The following SERAC1 variants were observed in gnomAD, a reference collection of about 807,000 sequenced individuals.
SERAC1 encodes serine active site containing 1.
SERAC1 carries 36 observed loss-of-function variants against 85.7 expected under a neutral mutation model. The ratio of observed to expected loss-of-function variants is 0.42; its 90% CI spans 0.32 to 0.55. The LOEUF (loss-of-function observed/expected upper bound fraction) is 0.55, where lower values mean the gene tolerates loss of function less well. Ranked by LOEUF, SERAC1 falls within the 20% of genes least tolerant of loss-of-function variation. The pLI, the probability that SERAC1 is intolerant of heterozygous loss-of-function variation, is 0.11. For missense variants in SERAC1, 629 were observed against 796.2 expected (o/e 0.79, Z 2.53); for synonymous variants, 242 against 265.3 (o/e 0.91, Z 0.85).
In SERAC1 at chr6:158,114,361, G is replaced by A. The variant is rs113630935; in HGVS notation, c.1684+428C>T. ...GCTCGAGCCAGGGAATCCAAATTCC[G>A]ATTAACAGGTGTTCCAGAGAGAAAA... is the stretch of plus-strand genomic sequence containing the variant. On this transcript the variant is annotated intron_variant, in intron 15 of 16. Coordinates refer to ENST00000647468, the MANE Select transcript of SERAC1 (RefSeq NM_032861.4). The A allele has an allele frequency of 3.5e-4, 151 of 428,530 alleles. 2 individuals carry two copies. The highest frequency in any genetic ancestry group is 2.5e-3 in the African/African-American group (119 of 46,736). 26.5% of individuals were successfully genotyped at this position (428,530 alleles called of 1,614,324 possible).
At chr6:158,149,241 C>T (rs1254733840) in intron 4 of SERAC1, among the ~76,000 whole-genome samples, 1 of 152,208 alleles carries the variant, frequency 6.6e-6, no homozygotes, top group Non-Finnish European at 1.5e-5. Context: ...ATCCGCCCTC[C>T]TCGGCCTCCC....
At chr6:158,126,501 G>A (rs905326231) in intron 10 of SERAC1, among the ~76,000 whole-genome samples, 4 of 152,070 alleles carry the variant, frequency 2.6e-5, no homozygotes, top group African/African-American at 7.3e-5. Context: ...GAGGGAGGGA[G>A]GAGGGAAAGA....
At chr6:158,167,972 G>A (rs1370574987) in intron 1 of SERAC1, among the ~76,000 whole-genome samples, 168 bp downstream of exon 1, 2 of 152,258 alleles carry the variant, frequency 1.3e-5, no homozygotes, top group East Asian at 1.9e-4. Context: ...ACCAGAGAGA[G>A]AGGCCCTCAC....
intron 3 of SERAC1, 35 bp from the exon 4 acceptor site, chr6:158,150,624 A>T (rs1785181839): frequency 7.2e-7 from 1 of 1,393,882 alleles, no homozygotes; most frequent in Non-Finnish European, 1.0e-6. Context: ...TCATAAATAG[A>T]CAATCAAAAT....
rs1456589887 is a variant in SERAC1 at position 158,139,635 on chromosome 6, G to A, written c.738+3421C>T. On this transcript the variant is annotated intron_variant, in intron 8 of 16. Transcript: ENST00000647468. Reference sequence around the variant, plus strand: ...AGCTATTCAGGAGGCTGAGGTGGGAGGATCACTTGAGCCCAGGAGTTCAAG... The same window carrying A: ...AGCTATTCAGGAGGCTGAGGTGGGAAGATCACTTGAGCCCAGGAGTTCAAG... Among the ~76,000 whole-genome samples the A allele has an allele frequency of 2.0e-5, 3 of 152,206 alleles. No individual in the cohort carries two copies. The East Asian group carries it at 5.8e-4, about 29-fold the overall frequency.
In SERAC1 at chr6:158,120,445, C is replaced by T. The variant is rs1204268704; in HGVS notation, c.1146G>A (p.Leu382=). Residue 382 remains leucine (L), a synonymous_variant, in exon 11 of 17, where the codon CTG becomes CTA. Transcript: ENST00000647468. The surrounding 1 kb of genome is among the most constrained non-coding windows in gnomAD (Gnocchi z 4.4). ...CTTACCTTGTTCGATATTGGGGATG[C>T]AGCACATATACGCCATCCTGATATT... ...QEKYQDGVYV[L]HPQYRTSQPI... is the part of the protein sequence containing the mutation. The T allele has an allele frequency of 1.2e-6, 2 of 1,612,706 alleles. No homozygotes were observed. The highest frequency in any genetic ancestry group is 1.7e-5 in the Admixed American group (1 of 59,854).
Position 158,111,459 on chromosome 6 carries a change from C to A in SERAC1, c.1872G>T (p.Leu624Phe), listed in dbSNP as rs80342743. 6.2e-7 allele frequency: 1 copy of A among 1,610,672 alleles called. No individual in the cohort carries two copies. Among genetic ancestry groups the A allele is most frequent in the South Asian group, 1.1e-5 (1 of 90,386 alleles). ...CCTTTTTCTTTGGCTTACAAATGTT[C>A]AAATGGTTAACATCCACAGGAATTA... ...GDLIPVDVNH[L>F]NICKPKKKDA... Residue 624 changes from leucine (L) to phenylalanine (F), a missense_variant, in exon 17 of 17, where the codon TTG becomes TTT. Coordinates refer to ENST00000647468, the MANE Select transcript of SERAC1 (RefSeq NM_032861.4).
intron 10 of SERAC1, among the ~76,000 whole-genome samples, chr6:158,123,893 C>T (rs1784475625): frequency 6.6e-6 from 1 of 152,132 alleles, no homozygotes; most frequent in Non-Finnish European, 1.5e-5. Context: ...AAAACCAGTC[C>T]TTATGGGGTA....
intron 1 of SERAC1, chr6:158,158,760 T>G (rs1472971159): frequency 6.3e-6 from 1 of 157,560 alleles, no homozygotes; most frequent in Non-Finnish European, 1.4e-5. Context: ...ATATATGTAT[T>G]TATCTCTGAT....
intron 7 of SERAC1, 63 bp from the exon 8 acceptor site, chr6:158,143,247 C>A (rs1784961226): frequency 3.9e-6 from 6 of 1,548,582 alleles, no homozygotes; most frequent in South Asian, 1.2e-5. Context: ...CAAAAAATAT[C>A]CAAAGACTCA....
chr6:158,135,075 G>A (rs1784760423), intron 8 of SERAC1, among the ~76,000 whole-genome samples: 1 of 151,786 alleles, frequency 6.6e-6, no homozygotes, highest in Admixed American at 6.6e-5. Context: ...CTAAACTAAG[G>A]GCCAATCTAC....
At chr6:158,129,473 T>C (rs1450659591) in intron 9 of SERAC1, among the ~76,000 whole-genome samples, 1 of 152,234 alleles carries the variant, frequency 6.6e-6, no homozygotes, top group Non-Finnish European at 1.5e-5. Flanking sequence ...AAATCTATGA[T>C]GTTAAACTTG....
chr6:158,166,119 A>G (rs1785592701), intron 1 of SERAC1: 1 of 152,208 alleles, frequency 6.6e-6, no homozygotes, highest in South Asian at 2.1e-4. Flanking sequence ...AATACCTTGC[A>G]GCTGTGCCAT....
At chr6:158,131,983 A>G (rs912470106) in intron 8 of SERAC1, among the ~76,000 whole-genome samples, 2 of 151,234 alleles carry the variant, frequency 1.3e-5, no homozygotes, top group African/African-American at 4.9e-5. Context: ...GTGTGTATGT[A>G]TCCTATGCTA....
intron 16 of SERAC1, 78 bp downstream of exon 16, chr6:158,113,371 A>G: frequency 8.5e-7 from 1 of 1,175,424 alleles, no homozygotes; most frequent in African/African-American, 1.5e-5. Context: ...GAACCTGGAT[A>G]TAAAAATTGC....
At chr6:158,136,744 C>T (rs140124650) in intron 8 of SERAC1, among the ~76,000 whole-genome samples, 1 of 152,190 alleles carries the variant, frequency 6.6e-6, no homozygotes, top group African/African-American at 2.4e-5. Context: ...ATAAACTGGG[C>T]AGACAGATCA....
chr6:158,157,799 T>C (rs750583577), intron 2 of SERAC1, among the ~76,000 whole-genome samples: 9 of 152,212 alleles, frequency 5.9e-5, no homozygotes, highest in Admixed American at 1.3e-4. Context: ...TTAAGTTCTA[T>C]ACTGACCCTA....
rs1784330989 is a variant in SERAC1, at chr6:158,117,920, T to C, written c.1309-99A>G. On this transcript the variant is annotated intron_variant, in intron 12 of 16. Transcript: ENST00000647468. This position sits in a 1 kb window ranked among gnomAD's most constrained non-coding sequence, Gnocchi z 4.3. ...TTATAACTAAAGGCCTCTTGCACTA[T>C]AATTAAAGATAGCACTGGAATAAGG... The C allele has an allele frequency of 1.2e-6, 1 of 847,874 alleles. No homozygotes were observed. The highest frequency in any genetic ancestry group is 1.6e-5 in the South Asian group (1 of 61,576). The allele number at this position is 847,874 out of a possible 1,614,324, so 52.5% of individuals were successfully genotyped here. A position where few individuals can be genotyped will look rare whatever the true frequency, so the allele number is the denominator to read the frequency against.
chr6:158,147,005 T>C, intron 5 of SERAC1, 92 bp from the exon 6 acceptor site: 1 of 1,334,146 alleles, frequency 7.5e-7, no homozygotes, highest in East Asian at 2.4e-5. Flanking sequence ...CACTGAAATC[T>C]ACAATTGGAG....
Sources: gnomAD v4.1 joint callset for allele counts (sites outside exome capture counted in the v4.1 genomes callset) on GRCh38, gnomAD v4.1.1 for gene constraint, Gnocchi (gnomAD v3.1) non-coding constraint, MANE v1.5 for transcripts, NCBI Gene and HGNC (gene_info 2026-07-23, HGNC 2026-07-21) for gene names.